ATP2B1: variants seen among roughly 807,000 people sequenced by gnomAD.
ATP2B1 encodes ATPase plasma membrane Ca2+ transporting 1.
In ATP2B1, 14 loss-of-function variants were observed where a neutral mutation model predicts 124.2. The ratio of observed to expected loss-of-function variants is 0.11; its 90% CI spans 0.07 to 0.18. The LOEUF is 0.18. Among genes scored for constraint, ATP2B1 ranks in the 10% least tolerant of loss-of-function variants. The pLI is 1.00. For missense variants in ATP2B1, 763 were observed against 1,466.1 expected (o/e 0.52, Z 7.83); for synonymous variants, 449 against 492.4 (o/e 0.91, Z 1.17).
At chr12:89,601,596 C>T (rs868760313) in intron 18 of ATP2B1, among the ~76,000 whole-genome samples, 163 bp from the exon 19 acceptor site, 3 of 152,068 alleles carry the variant, frequency 2.0e-5, no homozygotes, top group Non-Finnish European at 4.4e-5. Flanking sequence ...CTGAAATAGA[C>T]CTTTCCTCTT....
chr12:89,659,878 G>GC (rs1050318154), intron 1 of ATP2B1, among the ~76,000 whole-genome samples: 2 of 146,548 alleles, frequency 1.4e-5, no homozygotes, highest in African/African-American at 5.1e-5. Flanking sequence ...AGCGGAGATC[G>GC]CGCCACTGCA....
intron 1 of ATP2B1, among the ~76,000 whole-genome samples, chr12:89,671,538 T>C (rs184976137): frequency 1.3e-4 from 20 of 152,274 alleles, no homozygotes; most frequent in Middle Eastern, 3.4e-3. Flanking sequence ...ATCTTCCCAA[T>C]GCCCTATGCA....
chr12:89,688,297 T>C (rs1277711716), intron 1 of ATP2B1, among the ~76,000 whole-genome samples: 1 of 152,086 alleles, frequency 6.6e-6, no homozygotes, highest in South Asian at 2.1e-4. Context: ...GAACTATAAA[T>C]AAAGCAGCAG....
At chr12:89,597,216 G>C (rs192388849) in intron 20 of ATP2B1, among the ~76,000 whole-genome samples, 3 of 152,258 alleles carry the variant, frequency 2.0e-5, no homozygotes, top group African/African-American at 7.2e-5. Flanking sequence ...GAAATCCACA[G>C]ATACAGGGAG....
At chr12:89,642,491 T>C in intron 2 of ATP2B1, 136 bp from the exon 3 acceptor site, 1 of 846,022 alleles carries the variant, frequency 1.2e-6, no homozygotes. Context: ...GTGTACAGAA[T>C]TTAAATCACT....
intron 1 of ATP2B1, among the ~76,000 whole-genome samples, chr12:89,707,775 G>C (rs1427190411): frequency 6.6e-6 from 1 of 152,116 alleles, no homozygotes; most frequent in African/African-American, 2.4e-5. Flanking sequence ...AACCTGGCTG[G>C]TGACCGCGGC....
intron 20 of ATP2B1, among the ~76,000 whole-genome samples, chr12:89,592,676 A>C (rs12314615): frequency 0.014 from 2,137 of 152,182 alleles, 44 homozygotes; most frequent in African/African-American, 0.048. Flanking sequence ...AACCTCGGTC[A>C]AACAGGTTTC....
At chr12:89,633,413 T>C (rs1882197583) in intron 5 of ATP2B1, among the ~76,000 whole-genome samples, 1 of 152,052 alleles carries the variant, frequency 6.6e-6, no homozygotes, top group Non-Finnish European at 1.5e-5. Flanking sequence ...TAACTCGTCA[T>C]TTAGCATTAC....
chr12:89,668,624 A>T (rs1489274858), intron 1 of ATP2B1, among the ~76,000 whole-genome samples: 1 of 152,218 alleles, frequency 6.6e-6, no homozygotes, highest in Non-Finnish European at 1.5e-5. Context: ...CAGGGAGATA[A>T]TAAGGAGGGA....
At chr12:89,663,373 T>C (rs1487389114) in intron 1 of ATP2B1, among the ~76,000 whole-genome samples, 2 of 152,204 alleles carry the variant, frequency 1.3e-5, no homozygotes, top group Non-Finnish European at 2.9e-5. Flanking sequence ...ACCAGGGTCT[T>C]AGATTCTTGA....
In ATP2B1 at chr12:89,642,201, T is replaced by C. The variant is rs746087300; in HGVS notation, c.363A>G (p.Ser121=). 7 of 1,613,782 alleles carry C rather than the reference T, an allele frequency of 4.3e-6. No individual in the cohort carries two copies. Among genetic ancestry groups the C allele is most frequent in the South Asian group, 2.2e-5 (2 of 91,084 alleles). ...GAGGCTGATAAAAAGAAAGGCCCAA[T>C]GATACTATGGCTGCAATTTCTAATA... ...LIILEIAAIV[S]LGLSFYQPPE... The change falls in exon 3 of 21, where the codon TCA becomes TCG. Residue 121 remains serine (S), a synonymous_variant. Coordinates refer to ENST00000428670, the MANE Select transcript of ATP2B1 (RefSeq NM_001366521.1).
intron 18 of ATP2B1, among the ~76,000 whole-genome samples, chr12:89,601,843 C>T (rs1875912473): frequency 6.6e-6 from 1 of 152,052 alleles, no homozygotes; most frequent in African/African-American, 2.4e-5. Context: ...AAATATAGTA[C>T]TCTTTTGTAG....
intron 1 of ATP2B1, among the ~76,000 whole-genome samples, chr12:89,656,896 G>T (rs180802598): frequency 1.3e-5 from 2 of 152,280 alleles, no homozygotes; most frequent in African/African-American, 4.8e-5. Context: ...TCTGAGGGCA[G>T]AGTTTGCCCA....
At chr12:89,611,725 T>A (rs1878056777) in intron 12 of ATP2B1, 1 of 189,534 alleles carries the variant, frequency 5.3e-6, no homozygotes, top group South Asian at 1.8e-4. Context: ...CTACCCAGAT[T>A]ACATGAGTAA....
chr12:89,594,021 G>T (rs1339027961), intron 20 of ATP2B1: 1 of 151,940 alleles, frequency 6.6e-6, no homozygotes, highest in Non-Finnish European at 1.5e-5. Context: ...ATAAGATTAA[G>T]GTTAATGCTT....
chr12:89,699,299 A>G (rs1891540696), intron 1 of ATP2B1, among the ~76,000 whole-genome samples: 1 of 152,244 alleles, frequency 6.6e-6, no homozygotes. Flanking sequence ...ATGTTTGGCA[A>G]GAGGCAGAGT....
chr12:89,624,319 G>A lies in ATP2B1; in HGVS notation c.1208C>T (p.Pro403Leu), dbSNP rs747425740. 6.2e-7 allele frequency: 1 copy of A among 1,614,082 alleles called. No individual in the cohort carries two copies. Among genetic ancestry groups the A allele is most frequent in the Non-Finnish European group, 8.5e-7 (1 of 1,179,968 alleles). Residue 403 changes from proline to leucine, a missense_variant, in exon 9 of 21, where the codon CCA becomes CTA. Pro to Leu is a moderately conservative substitution (Grantham distance 98). This residue lies in a region of ATP2B1 where 392 missense variants were observed against 776.6 expected (regional missense o/e 0.50). Transcript: ENST00000428670. ...AATTGGTGTGCACTCAGCAAGCCATGGTCTTTTCTGAACCCAGAAGGTGTC... is the reference window on the plus strand; with the variant it reads ...AATTGGTGTGCACTCAGCAAGCCATAGTCTTTTCTGAACCCAGAAGGTGTC... ...VIDTFWVQKR[P>L]WLAECTPIYI...
At chr12:89,628,901 G>A (rs745344730) in intron 6 of ATP2B1, among the ~76,000 whole-genome samples, 7 of 152,070 alleles carry the variant, frequency 4.6e-5, no homozygotes, top group Non-Finnish European at 8.8e-5. Context: ...ACATTACCCC[G>A]GACTGCTTCT....
At chr12:89,627,831 C>A in intron 6 of ATP2B1, 115 bp from the exon 7 acceptor site, 2 of 1,133,090 alleles carry the variant, frequency 1.8e-6, no homozygotes, top group South Asian at 1.4e-5. Context: ...GTGTGTGTGT[C>A]TACAGATTAG....
Sources: gnomAD v4.1 joint callset for allele counts (sites outside exome capture counted in the v4.1 genomes callset) on GRCh38, gnomAD v4.1.1 for gene constraint, gnomAD v4.1.1 regional missense constraint, MANE v1.5 for transcripts, NCBI Gene and HGNC (gene_info 2026-07-23, HGNC 2026-07-21) for gene names.